Variants in SPATA17 observed in about 807,000 individuals in gnomAD.
SPATA17 encodes spermatogenesis-associated protein 17.
In SPATA17, 53 loss-of-function variants were observed where a neutral mutation model predicts 62.2. That is an observed-to-expected ratio of 0.85 (90% CI 0.68 to 1.07). The LOEUF (loss-of-function observed/expected upper bound fraction) is 1.07. Ranked by LOEUF, SPATA17 falls within the 50% of genes least tolerant of loss-of-function variation. SPATA17 has a pLI of 0.00. For missense variants in SPATA17, 466 were observed against 425.5 expected (o/e 1.10, Z -0.84); for synonymous variants, 146 against 146.8 (o/e 0.99, Z 0.04).
At chr1:217,865,525 T>G (rs1219727953) in intron 10 of SPATA17, among the ~76,000 whole-genome samples, 1 of 152,186 alleles carries the variant, frequency 6.6e-6, no homozygotes, top group Non-Finnish European at 1.5e-5. Flanking sequence ...CTCCTTTTAG[T>G]GTCTTTAATT....
chr1:217,636,282 G>A (rs528818050), intron 1 of SPATA17, among the ~76,000 whole-genome samples: 1 of 152,272 alleles, frequency 6.6e-6, no homozygotes, highest in African/African-American at 2.4e-5. Flanking sequence ...CTTCCTAATG[G>A]CTAGCATCAG....
intron 9 of SPATA17, among the ~76,000 whole-genome samples, chr1:217,815,129 A>G (rs1025056833): frequency 6.6e-6 from 1 of 152,144 alleles, no homozygotes; most frequent in African/African-American, 2.4e-5. Flanking sequence ...GTATAAGATT[A>G]TTGCTTAAGT....
At chr1:217,751,351 G>A (rs1311055557) in intron 6 of SPATA17, among the ~76,000 whole-genome samples, 1 of 152,112 alleles carries the variant, frequency 6.6e-6, no homozygotes, top group African/African-American at 2.4e-5. Context: ...CACTTGGCAG[G>A]TTTATTCTTT....
intron 3 of SPATA17, among the ~76,000 whole-genome samples, chr1:217,656,429 A>AT (rs910954789): frequency 1.9e-4 from 29 of 151,398 alleles, no homozygotes; most frequent in East Asian, 1.5e-3. Context: ...TTTGGATCTA[A>AT]TTTTTTTTTG....
At chr1:217,769,042 A>T (rs998711363) in intron 6 of SPATA17, among the ~76,000 whole-genome samples, 3 of 152,146 alleles carry the variant, frequency 2.0e-5, no homozygotes, top group Non-Finnish European at 4.4e-5. Flanking sequence ...ACCCTTTCTC[A>T]GTATTCTATT....
At chr1:217,777,140 A>C (rs753850182) in intron 7 of SPATA17, among the ~76,000 whole-genome samples, 1 of 152,122 alleles carries the variant, frequency 6.6e-6, no homozygotes, top group African/African-American at 2.4e-5. Flanking sequence ...TATTTCATTA[A>C]AAATCTCCCA....
chr1:217,675,511 T>C (rs1424270971), intron 4 of SPATA17, among the ~76,000 whole-genome samples: 1 of 152,148 alleles, frequency 6.6e-6, no homozygotes, highest in Non-Finnish European at 1.5e-5. Flanking sequence ...TGTAGGTAAA[T>C]TATTGTGGCT....
rs980630578 is a variant in SPATA17 at position 217,744,319 on chromosome 1, C to T, written c.519+2221C>T. On this transcript the variant is annotated intron_variant, in intron 6 of 10. Transcript: ENST00000366933. ...CTACTAAAAATACAAAAAAATTAGC[C>T]GGGCGTAGTGGCGGGCGCCTGTAGT... is the stretch of plus-strand genomic sequence containing the variant. Among the ~76,000 whole-genome samples, 115 of 98,200 alleles carry T rather than the reference C, an allele frequency of 1.2e-3. 36 individuals are homozygous for T. The highest frequency in any genetic ancestry group is 5.7e-4 in the Non-Finnish European group (22 of 38,932). The allele number at this position is 98,200 out of a possible 152,430, so 64.4% of individuals were successfully genotyped here. A position where few individuals can be genotyped will look rare whatever the true frequency, so the allele number is the denominator to read the frequency against.
chr1:217,734,566 A>G (rs1558584493), intron 5 of SPATA17, among the ~76,000 whole-genome samples: 1 of 152,226 alleles, frequency 6.6e-6, no homozygotes, highest in African/African-American at 2.4e-5. Flanking sequence ...CCATGAAAAC[A>G]GAATAAGGAC....
At chr1:217,711,740 CA>C (rs1671870400) in intron 5 of SPATA17, among the ~76,000 whole-genome samples, 1 of 152,166 alleles carries the variant, frequency 6.6e-6, no homozygotes, top group African/African-American at 2.4e-5. Flanking sequence ...TGTTAGTCCA[CA>C]ATGCAAGTCT....
intron 5 of SPATA17, among the ~76,000 whole-genome samples, chr1:217,685,097 G>A (rs1043447056): frequency 7.0e-6 from 1 of 143,142 alleles, no homozygotes; most frequent in Non-Finnish European, 1.5e-5. Flanking sequence ...GGAAGAGCTA[G>A]TAGAGTTTGC....
chr1:217,688,172 T>C (rs1671264845), intron 5 of SPATA17, among the ~76,000 whole-genome samples: 1 of 152,120 alleles, frequency 6.6e-6, no homozygotes, highest in Non-Finnish European at 1.5e-5. Flanking sequence ...TGAGGATCAC[T>C]TGAGCCCAGG....
chr1:217,742,375 G>C (rs1009731304), intron 6 of SPATA17, among the ~76,000 whole-genome samples: 1 of 152,126 alleles, frequency 6.6e-6, no homozygotes, highest in Non-Finnish European at 1.5e-5. Context: ...GCATAACCTC[G>C]CTTTCAAAAC....
chr1:217,643,634 A>G (rs151220225), intron 1 of SPATA17, among the ~76,000 whole-genome samples: 272 of 152,052 alleles, frequency 1.8e-3, no homozygotes, highest in African/African-American at 6.0e-3. Context: ...CCCATTTCCA[A>G]GGCCCTTGAG....
At position 217,741,879 on chromosome 1, in the gene SPATA17, G is replaced by A. The variant is rs1251760068; in HGVS notation, c.396-96G>A. 6.6e-6 allele frequency: 9 copies of A among 1,363,024 alleles called. No individual in the cohort carries two copies. In the Admixed American group the frequency reaches 1.8e-4, roughly 27 times the overall value. 84.4% of individuals were successfully genotyped at this position (1,363,024 alleles called of 1,614,324 possible). ...ACCACTGATTTGGATGGATATGGAT[G>A]ATGGTTGCCCCTCAAAAAAACTGAT... On this transcript the variant is annotated intron_variant, in intron 5 of 10. Coordinates refer to ENST00000366933, the MANE Select transcript of SPATA17 (RefSeq NM_138796.4).
intron 5 of SPATA17, among the ~76,000 whole-genome samples, chr1:217,705,430 CTTTTTTTTT>C (rs58138326): frequency 4.3e-5 from 2 of 46,628 alleles, no homozygotes; most frequent in South Asian, 1.2e-3. Context: ...TTCTAGTTGT[CTTTTTTTTT>C]TTTTTTTTTT....
chr1:217,774,678 C>G (rs897813321), intron 7 of SPATA17, 141 bp downstream of exon 7: 9 of 688,114 alleles, frequency 1.3e-5, no homozygotes, highest in Non-Finnish European at 2.2e-5. Flanking sequence ...TTTGTGCAAT[C>G]AGCTGTCGCT....
chr1:217,806,465 G>A (rs1402060223), intron 9 of SPATA17, among the ~76,000 whole-genome samples: 1 of 152,170 alleles, frequency 6.6e-6, no homozygotes, highest in Non-Finnish European at 1.5e-5. Context: ...TCCCCTTAGG[G>A]GTCATTCGTC....
At chr1:217,824,610 T>G (rs770587276) in intron 9 of SPATA17, among the ~76,000 whole-genome samples, 3 of 151,136 alleles carry the variant, frequency 2.0e-5, no homozygotes, top group Admixed American at 6.6e-5. Context: ...TAGTTTGTTT[T>G]GTATATTTTA....
Sources: allele counts gnomAD v4.1 joint callset (sites outside exome capture counted in the v4.1 genomes callset), GRCh38; gene constraint gnomAD v4.1.1; transcripts MANE v1.5; gene names NCBI Gene and HGNC (gene_info 2026-07-23, HGNC 2026-07-21).